The following MBNL2 variants were observed in gnomAD, a reference collection of about 807,000 sequenced individuals.
MBNL2 encodes muscleblind-like protein 2.
In MBNL2, 17 loss-of-function variants were observed where a neutral mutation model predicts 41.9. That is an observed-to-expected ratio of 0.41 (90% CI 0.28 to 0.61). The LOEUF (loss-of-function observed/expected upper bound fraction) is 0.61. Among genes scored for constraint, MBNL2 ranks in the 20% least tolerant of loss-of-function variants. MBNL2 has a pLI of 0.35. For synonymous variants in MBNL2, 195 were observed against 182.9 expected, an observed-to-expected ratio of 1.07 and a Z score of -0.53; for missense variants, 336 against 505.6, an observed-to-expected ratio of 0.66 and a Z score of 3.22.
At chr13:97,326,869 C>T (rs189023057) in intron 2 of MBNL2, among the ~76,000 whole-genome samples, 15 of 152,144 alleles carry the variant, frequency 9.9e-5, no homozygotes, top group Non-Finnish European at 1.6e-4. Flanking sequence ...TTTACTTGCC[C>T]ATATCCTTCT....
At chr13:97,183,562 T>C in the MBNL2 span, among the ~76,000 whole-genome samples, 3 of 152,172 alleles carry the variant, frequency 2.0e-5, no homozygotes, top group Admixed American at 2.0e-4. Flanking sequence ...CAGATACCAT[T>C]TGCATTTCTC....
At chr13:97,313,629 G>T (rs2058791191) in intron 2 of MBNL2, among the ~76,000 whole-genome samples, 1 of 152,186 alleles carries the variant, frequency 6.6e-6, no homozygotes. Flanking sequence ...AACAGCTGTT[G>T]ATGGATAGCT....
the MBNL2 span, among the ~76,000 whole-genome samples, chr13:97,214,827 A>G: frequency 6.6e-6 from 1 of 152,240 alleles, no homozygotes; most frequent in Non-Finnish European, 1.5e-5. Context: ...TCCCTCAGCC[A>G]GCCCAGAAGA....
chr13:97,389,682 G>A (rs1040811846), intron 8 of MBNL2, among the ~76,000 whole-genome samples: 8 of 151,420 alleles, frequency 5.3e-5, no homozygotes, highest in East Asian at 1.9e-4. Flanking sequence ...TTCCTAACTG[G>A]GCAACAGAGG....
chr13:97,165,789 G>T, the MBNL2 span, among the ~76,000 whole-genome samples: 2 of 152,146 alleles, frequency 1.3e-5, no homozygotes, highest in Admixed American at 1.3e-4. Context: ...TTGAAAAGAG[G>T]TGTATACTTC....
chr13:97,368,734 CTGTG>C (rs1446569150), intron 8 of MBNL2, among the ~76,000 whole-genome samples: 2 of 119,294 alleles, frequency 1.7e-5, no homozygotes, highest in African/African-American at 6.5e-5. Context: ...GTGTTCGTGT[CTGTG>C]TATGTGTGTG....
intron 2 of MBNL2, among the ~76,000 whole-genome samples, chr13:97,315,877 G>A (rs997287010): frequency 5.3e-5 from 8 of 152,092 alleles, no homozygotes; most frequent in African/African-American, 1.9e-4. Flanking sequence ...CTTGCTCGTG[G>A]GTGAGGCAGT....
chr13:97,144,327 C>T, the MBNL2 span, among the ~76,000 whole-genome samples: 1 of 151,916 alleles, frequency 6.6e-6, no homozygotes, highest in African/African-American at 2.4e-5. Context: ...CCTGATACTG[C>T]CTTCTCTTCT....
intron 1 of MBNL2, among the ~76,000 whole-genome samples, chr13:97,245,924 A>G (rs562323820): frequency 6.6e-6 from 1 of 152,348 alleles, no homozygotes; most frequent in South Asian, 2.1e-4. Context: ...AAGGAAGGGA[A>G]CTAGTGCCTT....
At chr13:97,172,428 T>G in the MBNL2 span, 2 of 152,366 alleles carry the variant, frequency 1.3e-5, no homozygotes, top group South Asian at 4.1e-4. Flanking sequence ...AAACGATTTC[T>G]GCTGTGGAAG....
chr13:97,171,500 T>A, the MBNL2 span, among the ~76,000 whole-genome samples: 2 of 152,206 alleles, frequency 1.3e-5, no homozygotes, highest in African/African-American at 2.4e-5. Flanking sequence ...AATATATTCA[T>A]GTGTACATAC....
intron 2 of MBNL2, among the ~76,000 whole-genome samples, chr13:97,280,638 C>T (rs2053199888): frequency 6.6e-6 from 1 of 152,198 alleles, no homozygotes; most frequent in Non-Finnish European, 1.5e-5. Context: ...TGCCTAGGCC[C>T]TGTGAGATCT....
rs996318806 is a variant in MBNL2 at position 97,268,266 on chromosome 13, A to AT, written c.-604-7359dup. Among the ~76,000 whole-genome samples, 1 of 151,864 alleles carries AT rather than the reference A, an allele frequency of 6.6e-6. No homozygotes were observed. The highest frequency in any genetic ancestry group is 1.5e-5 in the Non-Finnish European group (1 of 67,972). On this transcript the variant is annotated intron_variant, in intron 1 of 8. Transcript: ENST00000679496. The surrounding 1 kb of genome is among the most constrained non-coding windows in gnomAD (Gnocchi z 4.6). ...TGCGCCACCATGCACGCCCGGCTAA[A>AT]TTTTTTTCTATTTTTTGTAGACATG...
intron 3 of MBNL2, among the ~76,000 whole-genome samples, 157 bp from the exon 4 acceptor site, chr13:97,342,859 G>T (rs1432179142): frequency 1.3e-5 from 2 of 152,140 alleles, no homozygotes; most frequent in Non-Finnish European, 1.5e-5. Context: ...GGAAGAGAGG[G>T]TCTACATGGA....
At position 97,322,962 on chromosome 13, in the gene MBNL2, G is replaced by T. The variant is rs554090333; in HGVS notation, c.175-11314G>T. ...TGGGCTTAACTCTTTGATTGCTGGG[G>T]TCCAGGAGGGGAAGATGCTGGGACT... On this transcript the variant is annotated intron_variant, in intron 2 of 8. Coordinates refer to ENST00000679496, the MANE Select transcript of MBNL2 (RefSeq NM_001382683.1). 9.8e-5 allele frequency among the ~76,000 whole-genome samples: 15 copies of T among 152,326 alleles called. No individual in the cohort carries two copies. In the South Asian group the frequency reaches 2.9e-3, roughly 29 times the overall value.
At chr13:97,175,758 G>T in the MBNL2 span, among the ~76,000 whole-genome samples, 1 of 152,230 alleles carries the variant, frequency 6.6e-6, no homozygotes, top group East Asian at 1.9e-4. Context: ...GGGACTCTCT[G>T]GTAGCTTAAA....
intron 3 of MBNL2, among the ~76,000 whole-genome samples, chr13:97,339,605 T>C (rs564468804): frequency 5.9e-5 from 9 of 152,198 alleles, no homozygotes; most frequent in South Asian, 4.1e-4. Context: ...AACAGAATCA[T>C]TGGAAGGTGC....
intron 5 of MBNL2, among the ~76,000 whole-genome samples, chr13:97,352,014 A>ACTGT: frequency 6.6e-6 from 1 of 151,514 alleles, no homozygotes; most frequent in Non-Finnish European, 1.5e-5. Flanking sequence ...ACAGAGTGAG[A>ACTGT]CTGTCTCAGA....
chr13:97,223,324 C>T (rs571082703), intron 1 of MBNL2, among the ~76,000 whole-genome samples: 18 of 152,312 alleles, frequency 1.2e-4, no homozygotes, highest in Non-Finnish European at 1.5e-5. Context: ...TATCAACTTT[C>T]TCGCTGAGAA....
Sources: allele counts gnomAD v4.1 joint callset (sites outside exome capture counted in the v4.1 genomes callset), GRCh38; gene constraint gnomAD v4.1.1; non-coding constraint Gnocchi (gnomAD v3.1); transcripts MANE v1.5; gene names NCBI Gene and HGNC (gene_info 2026-07-23, HGNC 2026-07-21).